The following CACNA1A variants were observed in gnomAD, a reference collection of about 807,000 sequenced individuals.
CACNA1A encodes the protein voltage-dependent P/Q-type calcium channel subunit alpha-1A.
Under a neutral mutation model 262.4 loss-of-function variants are expected in CACNA1A, and 57 were observed. The observed-to-expected ratio is 0.22, with a 90% CI of 0.18 to 0.27. The LOEUF is 0.27. Ranked by LOEUF, CACNA1A falls within the 10% of genes least tolerant of loss-of-function variation. The pLI is 1.00. For synonymous variants in CACNA1A, 1,431 were observed against 1,419.3 expected (o/e 1.01, Z -0.18); for missense variants, 2,526 against 3,562.8 (o/e 0.71, Z 7.41).
chr19:13,504,126 T>C lies in CACNA1A; in HGVS notation c.293+1806A>G, dbSNP rs915927965. ...CAGCCGAGCAAAGCCCTCTCACTCCTGGAGCTAACTGGGTGTGCACCCATG... is the reference window on the plus strand; with the variant it reads ...CAGCCGAGCAAAGCCCTCTCACTCCCGGAGCTAACTGGGTGTGCACCCATG... On this transcript the variant is annotated intron_variant, in intron 1 of 46. Transcript: ENST00000360228. Among the ~76,000 whole-genome samples, 18 of 152,270 alleles carry C rather than the reference T, an allele frequency of 1.2e-4. No homozygotes were observed. In the East Asian group the frequency reaches 3.1e-3, roughly 26 times the overall value.
chr19:13,249,224 G>T (rs1351774922), intron 30 of CACNA1A, among the ~76,000 whole-genome samples: 2 of 152,160 alleles, frequency 1.3e-5, no homozygotes, highest in Non-Finnish European at 2.9e-5. Flanking sequence ...CTTGGCAGAA[G>T]TCCCAAAGTG....
At chr19:13,243,650 G>A (rs12459242) in intron 31 of CACNA1A, 26,970 of 151,912 alleles carry the variant, frequency 0.18, 2,591 homozygotes, top group South Asian at 0.3. Flanking sequence ...TCCGCCTTCC[G>A]GGTTCAAGCA....
chr19:13,289,480 G>A (rs2057484804), intron 19 of CACNA1A, among the ~76,000 whole-genome samples: 1 of 152,140 alleles, frequency 6.6e-6, no homozygotes, highest in Admixed American at 6.5e-5. Flanking sequence ...GTGCAACCCT[G>A]TGTGATTTGC....
At position 13,505,917 on chromosome 19, in the gene CACNA1A, C is replaced by T. The variant is rs1050084704; in HGVS notation, c.293+15G>A. 5 of 1,609,236 alleles carry T rather than the reference C, an allele frequency of 3.1e-6. No individual in the cohort carries two copies. The highest frequency in any genetic ancestry group is 1.3e-5 in the African/African-American group (1 of 74,830). ...GGGAGGCGCAGCTGCTGCTGGGGTT[C>T]GGGCAAAAGGATATGGCCATTCGGT... On this transcript the variant is annotated intron_variant, in intron 1 of 46. Coordinates refer to ENST00000360228, the MANE Select transcript of CACNA1A (RefSeq NM_001127222.2).
intron 1 of CACNA1A, among the ~76,000 whole-genome samples, chr19:13,497,575 T>TAA (rs1981840012): frequency 3.0e-4 from 11 of 36,302 alleles, no homozygotes; most frequent in African/African-American, 5.5e-4. Context: ...TATATATATA[T>TAA]ATATAAATTT....
At chr19:13,287,647 G>A (rs2057434945) in intron 19 of CACNA1A, among the ~76,000 whole-genome samples, 1 of 151,914 alleles carries the variant, frequency 6.6e-6, no homozygotes, top group Non-Finnish European at 1.5e-5. Context: ...GATTACAGGT[G>A]CCCACCACTA....
At chr19:13,473,070 T>C (rs1201879988) in intron 1 of CACNA1A, among the ~76,000 whole-genome samples, 1 of 151,886 alleles carries the variant, frequency 6.6e-6, no homozygotes, top group Non-Finnish European at 1.5e-5. Flanking sequence ...CTGGGCAATA[T>C]AGTGAGATCC....
At chr19:13,496,617 G>C (rs914355026) in intron 1 of CACNA1A, among the ~76,000 whole-genome samples, 1 of 152,182 alleles carries the variant, frequency 6.6e-6, no homozygotes, top group East Asian at 1.9e-4. Flanking sequence ...CAGTGATTCA[G>C]CTGATCATTC....
At chr19:13,427,270 G>A (rs573751456) in intron 3 of CACNA1A, among the ~76,000 whole-genome samples, 2 of 151,922 alleles carry the variant, frequency 1.3e-5, no homozygotes, top group Non-Finnish European at 2.9e-5. Flanking sequence ...TGACCAACAT[G>A]GAGAAACCCC....
At chr19:13,409,869 A>G (rs180870807) in intron 3 of CACNA1A, among the ~76,000 whole-genome samples, 121 of 152,294 alleles carry the variant, frequency 7.9e-4, no homozygotes, top group African/African-American at 2.6e-3. Context: ...CACTCGGTCT[A>G]CCCACAAATA....
intron 27 of CACNA1A, 137 bp downstream of exon 27, chr19:13,259,427 C>T: frequency 1.7e-6 from 1 of 604,052 alleles, no homozygotes; most frequent in Non-Finnish European, 2.6e-6. Context: ...CTGCCTTGGC[C>T]TCCTAAAGTG....
At chr19:13,504,572 C>T (rs1444355740) in intron 1 of CACNA1A, among the ~76,000 whole-genome samples, 1 of 152,098 alleles carries the variant, frequency 6.6e-6, no homozygotes, top group East Asian at 1.9e-4. Flanking sequence ...CAGGGCCCAG[C>T]CCCGTTTAGT....
At chr19:13,460,649 C>G (rs1035938734) in intron 1 of CACNA1A, among the ~76,000 whole-genome samples, 1 of 152,022 alleles carries the variant, frequency 6.6e-6, no homozygotes, top group Non-Finnish European at 1.5e-5. Flanking sequence ...CCCTCATCTC[C>G]TCTATTCTCT....
At chr19:13,448,471 T>C (rs927759017) in intron 3 of CACNA1A, among the ~76,000 whole-genome samples, 1 of 151,994 alleles carries the variant, frequency 6.6e-6, no homozygotes, top group East Asian at 1.9e-4. Flanking sequence ...ACCCATGTAA[T>C]AGATCTGCAC....
chr19:13,362,018 T>C (rs1433724005), intron 5 of CACNA1A: 2 of 125,140 alleles, frequency 1.6e-5, no homozygotes, highest in Non-Finnish European at 1.6e-5. Flanking sequence ...TTCCTTCCTC[T>C]CTCTCTTTTT....
At chr19:13,255,657 C>T (rs1196679896) in intron 28 of CACNA1A, among the ~76,000 whole-genome samples, 1 of 150,826 alleles carries the variant, frequency 6.6e-6, no homozygotes, top group Non-Finnish European at 1.5e-5. Context: ...TCTTCCCCTT[C>T]CTCCCTCCCT....
intron 19 of CACNA1A, among the ~76,000 whole-genome samples, chr19:13,288,019 T>C (rs2144894986): frequency 6.6e-6 from 1 of 151,886 alleles, no homozygotes; most frequent in East Asian, 1.9e-4. Context: ...CCCAGGGTGG[T>C]CTCAAACTCC....
intron 1 of CACNA1A, among the ~76,000 whole-genome samples, chr19:13,499,402 C>G (rs572587192): frequency 5.0e-5 from 7 of 140,388 alleles, no homozygotes; most frequent in Admixed American, 1.5e-4. Flanking sequence ...CTTTAAAGAG[C>G]GCCACGATCA....
chr19:13,483,150 G>C (rs1979555465), intron 1 of CACNA1A, among the ~76,000 whole-genome samples: 2 of 152,028 alleles, frequency 1.3e-5, no homozygotes, highest in Non-Finnish European at 1.5e-5. Context: ...AAAACTTCCT[G>C]TGTGAGCCTT....
Sources: gnomAD v4.1 joint callset for allele counts (sites outside exome capture counted in the v4.1 genomes callset) on GRCh38, gnomAD v4.1.1 for gene constraint, MANE v1.5 for transcripts, NCBI Gene and HGNC (gene_info 2026-07-23, HGNC 2026-07-21) for gene names.